The following ADAM9 variants were observed in gnomAD, a reference collection of about 807,000 sequenced individuals.
ADAM9 encodes the protein disintegrin and metalloproteinase domain-containing protein 9.
Under a neutral mutation model 108.1 loss-of-function variants are expected in ADAM9, and 54 were observed. The observed-to-expected ratio is 0.50, with a 90% CI of 0.40 to 0.63. ADAM9 has a LOEUF of 0.63. ADAM9 is among the 20% of genes least tolerant of loss of function. ADAM9 has a pLI of 0.00. For synonymous variants in ADAM9, 316 were observed against 336.0 expected, an observed-to-expected ratio of 0.94 and a Z score of 0.65; for missense variants, 830 against 997.7, an observed-to-expected ratio of 0.83 and a Z score of 2.26.
chr8:39,027,368 A>G (rs1203157834), intron 11 of ADAM9, among the ~76,000 whole-genome samples: 1 of 152,162 alleles, frequency 6.6e-6, no homozygotes, highest in Non-Finnish European at 1.5e-5. Context: ...AAGAGGAGAG[A>G]GAATGGTTAA....
intron 20 of ADAM9, among the ~76,000 whole-genome samples, chr8:39,093,641 G>A (rs777313850): frequency 3.9e-5 from 6 of 152,186 alleles, no homozygotes; most frequent in Non-Finnish European, 8.8e-5. Flanking sequence ...AGAAGTGGTA[G>A]GAGTGGACAT....
chr8:39,007,378 G>A (rs911358221), intron 1 of ADAM9, among the ~76,000 whole-genome samples: 5 of 152,186 alleles, frequency 3.3e-5, no homozygotes, highest in Non-Finnish European at 5.9e-5. Flanking sequence ...AAATTTCAGC[G>A]TGAGATTTGG....
intron 7 of ADAM9, among the ~76,000 whole-genome samples, chr8:39,019,770 C>A (rs777814659): frequency 2.4e-4 from 36 of 151,972 alleles, no homozygotes; most frequent in African/African-American, 8.2e-4. Flanking sequence ...TAAAAAAATT[C>A]CTTGTTGTAT....
At chr8:39,024,072 G>A (rs1276129643) in intron 9 of ADAM9, among the ~76,000 whole-genome samples, 1 of 151,978 alleles carries the variant, frequency 6.6e-6, no homozygotes, top group African/African-American at 2.4e-5. Flanking sequence ...TTTTCTTCAC[G>A]ACTTTGAAGG....
intron 2 of ADAM9, among the ~76,000 whole-genome samples, chr8:39,011,347 G>C (rs1836348289): frequency 6.6e-6 from 1 of 152,140 alleles, no homozygotes; most frequent in Non-Finnish European, 1.5e-5. Flanking sequence ...AACTATCTTT[G>C]TACTGTAGGT....
intron 14 of ADAM9, among the ~76,000 whole-genome samples, chr8:39,059,302 G>A (rs1395657831): frequency 6.6e-6 from 1 of 152,222 alleles, no homozygotes; most frequent in African/African-American, 2.4e-5. Context: ...TTTCATCATG[G>A]AAAGGGAAAA....
intron 21 of ADAM9, among the ~76,000 whole-genome samples, chr8:39,102,439 A>C (rs1839729553): frequency 6.6e-6 from 1 of 152,170 alleles, no homozygotes; most frequent in African/African-American, 2.4e-5. Flanking sequence ...TAGGAAGCTG[A>C]GGAGAGCTTT....
Position 39,077,237 on chromosome 8 carries a change from G to A in ADAM9, c.1707G>A (p.Leu569=). The change falls in exon 16 of 22, where the codon TTG becomes TTA. Residue 569 remains leucine, a synonymous_variant. Coordinates refer to ENST00000487273, the MANE Select transcript of ADAM9 (RefSeq NM_003816.3). ...TTCTCTCTCTTTATAGGAATGCTTT[G>A]TGTGGAAAGCTTCAGTGTGAGAATG... ...EYKKCATGNA[L]CGKLQCENVQ... The A allele has an allele frequency of 6.2e-7, 1 of 1,613,948 alleles. No individual in the cohort carries two copies. Among genetic ancestry groups the A allele is most frequent in the South Asian group, 1.1e-5 (1 of 91,078 alleles).
intron 14 of ADAM9, among the ~76,000 whole-genome samples, chr8:39,066,993 A>G (rs534731080): frequency 4.1e-4 from 63 of 152,252 alleles, no homozygotes; most frequent in African/African-American, 1.3e-3. Context: ...TCCCAGCACT[A>G]TTTATTAAAT....
intron 12 of ADAM9, among the ~76,000 whole-genome samples, chr8:39,044,193 T>C (rs1423201239): frequency 6.6e-6 from 1 of 152,212 alleles, no homozygotes; most frequent in Non-Finnish European, 1.5e-5. Context: ...TTTTCCTCTA[T>C]GTTTTCTTCT....
intron 14 of ADAM9, among the ~76,000 whole-genome samples, chr8:39,063,284 C>A (rs1415761278): frequency 6.6e-6 from 1 of 152,132 alleles, no homozygotes; most frequent in African/African-American, 2.4e-5. Flanking sequence ...GGTTTAGAAC[C>A]AATGAGATAT....
rs747614715 is a variant in ADAM9 at position 39,055,700 on chromosome 8, A to C, written c.1519A>C (p.Asn507His). 1 of 1,613,792 alleles carries C rather than the reference A, an allele frequency of 6.2e-7. No homozygotes were observed. The highest frequency in any genetic ancestry group is 8.5e-7 in the Non-Finnish European group (1 of 1,179,786). ...TATTCAGAATGGATATCCTTGCCAG[A>C]ATAACAAAGCCTATTGCTACAACGG... is the stretch of plus-strand genomic sequence containing the variant. The part of the protein sequence containing the change: ...VFIQNGYPCQ[N>H]NKAYCYNGMC... The change falls in exon 14 of 22, where the codon AAT (asparagine) becomes CAT (histidine). Residue 507 changes from asparagine to histidine, a missense_variant. Coordinates refer to ENST00000487273, the MANE Select transcript of ADAM9 (RefSeq NM_003816.3).
chr8:39,034,233 A>G (rs905679631), intron 11 of ADAM9, among the ~76,000 whole-genome samples: 2 of 152,284 alleles, frequency 1.3e-5, no homozygotes, highest in Admixed American at 6.5e-5. Flanking sequence ...TCTTCTAGAC[A>G]TATTTCTAGA....
chr8:39,054,584 C>A lies in ADAM9; in HGVS notation c.1395+11C>A. On this transcript the variant is annotated intron_variant, in intron 13 of 21. Transcript: ENST00000487273. ...TGTAAAGACTGTCGGGTAAGGAATT[C>A]CTCCCTTTTGGAAACAGGAAAAAAA... 6.5e-7 allele frequency: 1 copy of A among 1,543,578 alleles called. No individual in the cohort carries two copies.
At chr8:39,076,950 G>C (rs917200787) in intron 15 of ADAM9, among the ~76,000 whole-genome samples, 29 of 152,102 alleles carry the variant, frequency 1.9e-4, no homozygotes, top group African/African-American at 7.0e-4. Context: ...AGGCTGTTGA[G>C]CTCTAGACAG....
At chr8:39,061,343 C>T (rs779139970) in intron 14 of ADAM9, among the ~76,000 whole-genome samples, 6 of 152,142 alleles carry the variant, frequency 3.9e-5, no homozygotes, top group Non-Finnish European at 4.4e-5. Context: ...GGAAAAAACC[C>T]ACAAGGTGGG....
chr8:38,997,557 T>G (rs917964736), intron 1 of ADAM9, among the ~76,000 whole-genome samples: 2 of 152,332 alleles, frequency 1.3e-5, no homozygotes, highest in African/African-American at 4.8e-5. Flanking sequence ...TCCAAACGCC[T>G]GCAGGGAGGG....
At position 39,011,007 on chromosome 8, in the gene ADAM9, T is replaced by G. The variant is rs112666634; in HGVS notation, c.196-651T>G. Among the ~76,000 whole-genome samples, 956 of 151,576 alleles carry G rather than the reference T, an allele frequency of 6.3e-3. 12 individuals carry two copies. The highest frequency in any genetic ancestry group is 0.022 in the African/African-American group (911 of 41,260). ...ACTTGGGAGGCTGAGACAGGAGAAT[T>G]TCCTGAACCCGGGAGGCAGAGGTTG... On this transcript the variant is annotated intron_variant, in intron 2 of 21. Transcript: ENST00000487273.
Position 39,022,783 on chromosome 8 carries a change from G to A in ADAM9, c.745-373G>A, listed in dbSNP as rs571941473. 2.4e-4 allele frequency among the ~76,000 whole-genome samples: 37 copies of A among 151,900 alleles called. 1 individual carries two copies. The highest frequency in any genetic ancestry group is 8.4e-4 in the African/African-American group (35 of 41,422). The stretch of plus-strand genomic sequence containing the variant: ...GGCTGGAGTCCAGTGGCGCAATCTC[G>A]GCTCACTGCAGACTCTGCCTCCCAG... On this transcript the variant is annotated intron_variant, in intron 8 of 21. Coordinates refer to ENST00000487273, the MANE Select transcript of ADAM9 (RefSeq NM_003816.3).
Sources: allele counts gnomAD v4.1 joint callset (sites outside exome capture counted in the v4.1 genomes callset), GRCh38; gene constraint gnomAD v4.1.1; transcripts MANE v1.5; gene names NCBI Gene and HGNC (gene_info 2026-07-23, HGNC 2026-07-21).